Variants in MYO5B observed in about 807,000 individuals in gnomAD.
MYO5B encodes the protein unconventional myosin-Vb.
MYO5B carries 143 observed loss-of-function variants against 229.3 expected under a neutral mutation model. The observed-to-expected ratio is 0.62, with a 90% CI of 0.54 to 0.72. The LOEUF (loss-of-function observed/expected upper bound fraction) is 0.72. MYO5B is among the 30% of genes least tolerant of loss of function. MYO5B has a pLI of 0.00. For synonymous variants in MYO5B, 918 were observed against 885.2 expected (o/e 1.04, Z -0.66); for missense variants, 2,321 against 2,331.0 (o/e 1.00, Z 0.09).
chr18:50,181,245 C>A (rs1324626905), intron 1 of MYO5B, among the ~76,000 whole-genome samples: 1 of 152,210 alleles, frequency 6.6e-6, no homozygotes, highest in Non-Finnish European at 1.5e-5. Context: ...ATCAGCATAA[C>A]TATAAAATTC....
At chr18:50,089,842 T>G (rs897267841) in intron 1 of MYO5B, among the ~76,000 whole-genome samples, 1 of 152,094 alleles carries the variant, frequency 6.6e-6, no homozygotes. Flanking sequence ...CCTGGCAACA[T>G]GGCCACCCCC....
At chr18:50,056,248 A>T (rs2030546279) in intron 1 of MYO5B, among the ~76,000 whole-genome samples, 2 of 152,166 alleles carry the variant, frequency 1.3e-5, no homozygotes, top group East Asian at 1.9e-4. Context: ...GCACATTCTC[A>T]ACATAACTAG....
At chr18:50,111,349 A>T (rs1289289270) in intron 1 of MYO5B, among the ~76,000 whole-genome samples, 1 of 152,262 alleles carries the variant, frequency 6.6e-6, no homozygotes, top group Non-Finnish European at 1.5e-5. Context: ...CTACTCTGCA[A>T]AGGGCACTGA....
rs776713469 is a variant in MYO5B, at chr18:49,984,800, T to C, written c.864A>G (p.Thr288=). 27 of 1,613,410 alleles carry C rather than the reference T, an allele frequency of 1.7e-5. No homozygotes were observed. The highest frequency in any genetic ancestry group is 2.1e-5 in the Non-Finnish European group (25 of 1,179,506). The change falls in exon 8 of 40, where the codon ACA becomes ACG. Residue 288 remains threonine, a synonymous_variant. Coordinates refer to ENST00000285039, the MANE Select transcript of MYO5B (RefSeq NM_001080467.3). ...ALTSAEDFFY[T]SQGGDTSIEG... The stretch of plus-strand genomic sequence containing the variant: ...CGATGGAAGTGTCTCCTCCCTGTGA[T>C]GTATAGAAAAAGTCCTCTGCACTTG...
At chr18:49,914,186 G>A (rs951952614) in intron 17 of MYO5B, among the ~76,000 whole-genome samples, 3 of 152,132 alleles carry the variant, frequency 2.0e-5, no homozygotes, top group South Asian at 2.1e-4. Flanking sequence ...TTCAGGAGTC[G>A]CAGGCTCCCA....
rs993447719 is a variant in MYO5B, at chr18:50,001,394, G to T, written c.473C>A (p.Ser158Tyr). ...KQMARDEKNQ[S>Y]IIVSGESGAG... ...TCCAGACTCCCCACTGACTATGATG[G>T]ACTGATTCTTCTCATCTCTGGAAGG... Residue 158 changes from serine (S) to tyrosine (Y), a missense_variant, in exon 5 of 40, where the codon TCC becomes TAC. Around this residue, in one of 2 missense-constraint regions of MYO5B, gnomAD observed 2,113 missense variants for 2,044.7 expected, o/e 1.03. Coordinates refer to ENST00000285039, the MANE Select transcript of MYO5B (RefSeq NM_001080467.3). 18 of 1,614,012 alleles carry T rather than the reference G, an allele frequency of 1.1e-5. No homozygotes were observed. Among genetic ancestry groups the T allele is most frequent in the Non-Finnish European group, 1.4e-5 (17 of 1,180,006 alleles).
At chr18:50,067,767 T>A (rs2030858449) in intron 1 of MYO5B, among the ~76,000 whole-genome samples, 1 of 152,192 alleles carries the variant, frequency 6.6e-6, no homozygotes, top group African/African-American at 2.4e-5. Context: ...TGGAAGCATT[T>A]ACTGGCACCA....
At chr18:49,842,307 GAT>G (rs2024068008) in intron 34 of MYO5B, among the ~76,000 whole-genome samples, 1 of 152,170 alleles carries the variant, frequency 6.6e-6, no homozygotes, top group Non-Finnish European at 1.5e-5. Flanking sequence ...CGAGCATGCA[GAT>G]ATGTTTTAGA....
intron 22 of MYO5B, among the ~76,000 whole-genome samples, chr18:49,890,174 C>A (rs539296940): frequency 6.6e-6 from 1 of 152,200 alleles, no homozygotes; most frequent in Admixed American, 6.5e-5. Flanking sequence ...GTCTTCCCAG[C>A]CAGCTAACAC....
intron 1 of MYO5B, among the ~76,000 whole-genome samples, chr18:50,072,093 T>G (rs569277113): frequency 7.2e-5 from 11 of 152,296 alleles, no homozygotes; most frequent in Non-Finnish European, 1.0e-4. Flanking sequence ...GGCACTCCCT[T>G]TGGAAGTTCT....
intron 1 of MYO5B, among the ~76,000 whole-genome samples, chr18:50,058,679 C>T (rs1388503152): frequency 1.3e-5 from 2 of 151,868 alleles, no homozygotes; most frequent in Non-Finnish European, 1.5e-5. Flanking sequence ...GGCGTGGTGG[C>T]GGGTGCCTGT....
At chr18:49,965,508 A>G (rs927134120) in intron 10 of MYO5B, among the ~76,000 whole-genome samples, 6 of 150,366 alleles carry the variant, frequency 4.0e-5, no homozygotes, top group Non-Finnish European at 7.4e-5. Flanking sequence ...ATACTGCCCA[A>G]TGCACCAAAT....
At chr18:50,047,176 T>C (rs530060208) in intron 2 of MYO5B, among the ~76,000 whole-genome samples, 13 of 152,302 alleles carry the variant, frequency 8.5e-5, no homozygotes, top group Non-Finnish European at 1.9e-4. Flanking sequence ...GAGAAAATTT[T>C]TGCAACCTAC....
intron 1 of MYO5B, among the ~76,000 whole-genome samples, chr18:50,055,930 T>A (rs899350428): frequency 6.6e-6 from 1 of 152,198 alleles, no homozygotes; most frequent in East Asian, 1.9e-4. Context: ...ACTCTTTTTC[T>A]TTTTTCGGAT....
At chr18:50,003,292 C>A (rs564730710) in intron 4 of MYO5B, among the ~76,000 whole-genome samples, 3 of 152,170 alleles carry the variant, frequency 2.0e-5, no homozygotes, top group Admixed American at 1.3e-4. Flanking sequence ...TGATACACAA[C>A]CAACTACTTG....
chr18:50,175,697 A>T (rs766431671), intron 1 of MYO5B, among the ~76,000 whole-genome samples: 10 of 152,232 alleles, frequency 6.6e-5, no homozygotes, highest in Non-Finnish European at 1.2e-4. Flanking sequence ...TTTTAAGGTC[A>T]TAAAGGTCAA....
At chr18:50,033,260 G>A (rs2026410181) in intron 4 of MYO5B, among the ~76,000 whole-genome samples, 1 of 152,086 alleles carries the variant, frequency 6.6e-6, no homozygotes. Context: ...CCCCACTTCT[G>A]AGGTCATGGT....
rs757307801 is a variant in MYO5B, at chr18:49,895,166, C to T, written c.2820G>A (p.Glu940=). Residue 940 remains glutamate, a synonymous_variant, in exon 22 of 40, where the codon GAG becomes GAA. Coordinates refer to ENST00000285039, the MANE Select transcript of MYO5B (RefSeq NM_001080467.3). ...LQRKIDEQNK[E]FKTLSEQLSV... is the part of the protein sequence containing the mutation. ...ACAACTGCTCTGAAAGTGTCTTGAACTCTTTGTTCTGTGGAGAACATCAGC... is the reference window on the plus strand; with the variant it reads ...ACAACTGCTCTGAAAGTGTCTTGAATTCTTTGTTCTGTGGAGAACATCAGC... 1.9e-6 allele frequency: 3 copies of T among 1,613,606 alleles called. No individual in the cohort carries two copies. The highest frequency in any genetic ancestry group is 2.2e-5 in the East Asian group (1 of 44,896).
At chr18:49,832,423 CA>C (rs1458190838) in intron 39 of MYO5B, among the ~76,000 whole-genome samples, 1 of 152,302 alleles carries the variant, frequency 6.6e-6, no homozygotes, top group East Asian at 1.9e-4. Flanking sequence ...TGTACTTTTA[CA>C]AAAGTCAATA....
Sources: allele counts gnomAD v4.1 joint callset (sites outside exome capture counted in the v4.1 genomes callset), GRCh38; gene constraint gnomAD v4.1.1; regional missense constraint gnomAD v4.1.1; transcripts MANE v1.5; gene names NCBI Gene and HGNC (gene_info 2026-07-23, HGNC 2026-07-21).